RALGAPA2: variants seen among roughly 807,000 people sequenced by gnomAD.
RALGAPA2 encodes the protein Ral GTPase activating protein catalytic subunit alpha 2, also known as ral GTPase-activating protein subunit alpha-2.
Under a neutral mutation model 230.4 loss-of-function variants are expected in RALGAPA2, and 139 were observed. That is an observed-to-expected ratio of 0.60 (90% CI 0.53 to 0.69). The LOEUF is 0.69. RALGAPA2 is among the 30% of genes least tolerant of loss of function. The pLI is 0.00. For missense variants in RALGAPA2, 2,163 were observed against 2,276.0 expected, an observed-to-expected ratio of 0.95 and a Z score of 1.01; for synonymous variants, 847 against 837.8, an observed-to-expected ratio of 1.01 and a Z score of -0.19.
intron 21 of RALGAPA2, 80 bp from the exon 22 acceptor site, chr20:20,572,026 T>C: frequency 2.2e-6 from 2 of 916,174 alleles, no homozygotes; most frequent in Non-Finnish European, 1.7e-6. Flanking sequence ...TCTGTGACCA[T>C]ATAGCTGCTT....
At position 20,389,974 on chromosome 20, in the gene RALGAPA2, T is replaced by C. The variant is rs1170705420; in HGVS notation, c.*3315A>G. On this transcript the variant is annotated 3_prime_UTR_variant, in exon 40 of 40. Coordinates refer to ENST00000202677, the MANE Select transcript of RALGAPA2 (RefSeq NM_020343.4). Reference sequence around the variant, plus strand: ...TAAGGAAACATTCACTTCATGTGTATGTCATATGGACAGACTGAGTGCAAC... The same window carrying C: ...TAAGGAAACATTCACTTCATGTGTACGTCATATGGACAGACTGAGTGCAAC... 6.6e-6 allele frequency: 1 copy of C among 152,248 alleles called. No individual in the cohort carries two copies. Among genetic ancestry groups the C allele is most frequent in the African/African-American group, 2.4e-5 (1 of 41,468 alleles). The allele number at this position is 152,248 out of a possible 1,614,324, so 9.4% of individuals were successfully genotyped here.
chr20:20,462,596 A>G (rs557899140), intron 37 of RALGAPA2, among the ~76,000 whole-genome samples: 2 of 152,282 alleles, frequency 1.3e-5, no homozygotes, highest in Admixed American at 6.5e-5. Flanking sequence ...TCAGTAGTAA[A>G]ACAGAAAGGA....
chr20:20,556,410 T>C (rs1003247410), intron 23 of RALGAPA2, among the ~76,000 whole-genome samples: 5 of 152,160 alleles, frequency 3.3e-5, no homozygotes, highest in African/African-American at 4.8e-5. Context: ...CATTTATAAT[T>C]CCATAAGATG....
At chr20:20,515,166 C>A (rs746652925) in intron 31 of RALGAPA2, among the ~76,000 whole-genome samples, 1 of 152,196 alleles carries the variant, frequency 6.6e-6, no homozygotes, top group Non-Finnish European at 1.5e-5. Flanking sequence ...AAACAAGGAT[C>A]AAGTATATAC....
intron 23 of RALGAPA2, among the ~76,000 whole-genome samples, chr20:20,568,072 G>C (rs1297106050): frequency 7.9e-5 from 12 of 152,194 alleles, no homozygotes; most frequent in African/African-American, 2.9e-4. Context: ...AAGCAGCTGA[G>C]CAGAGGGAAG....
intron 23 of RALGAPA2, among the ~76,000 whole-genome samples, chr20:20,560,899 T>A (rs1156376387): frequency 6.6e-6 from 1 of 152,220 alleles, no homozygotes; most frequent in Non-Finnish European, 1.5e-5. Flanking sequence ...AAATGTACCA[T>A]TGCCTACTGA....
At chr20:20,427,474 C>A (rs1179212500) in intron 37 of RALGAPA2, among the ~76,000 whole-genome samples, 3 of 151,920 alleles carry the variant, frequency 2.0e-5, no homozygotes, top group Non-Finnish European at 4.4e-5. Context: ...GATGTCTCTT[C>A]CCCTGTCACT....
In RALGAPA2 at chr20:20,588,904, T is replaced by G. The variant is rs189523071; in HGVS notation, c.2439+364A>C. 2.0e-5 allele frequency among the ~76,000 whole-genome samples: 3 copies of G among 152,296 alleles called. No individual in the cohort carries two copies. In the East Asian group the frequency reaches 5.8e-4, roughly 29 times the overall value. ...TTTTTTAAGAAACCTAACATCTTTG[T>G]GAATACTCACTGATTCTAGTAATTC... On this transcript the variant is annotated intron_variant, in intron 18 of 39. Transcript: ENST00000202677.
rs1445368566 is a variant in RALGAPA2, at chr20:20,616,112, T to A, written c.1619A>T (p.Asp540Val). Residue 540 changes from aspartate (D) to valine (V), a missense_variant, in exon 13 of 40, where the codon GAT (aspartate) becomes GTT (valine). Transcript: ENST00000202677. The part of the protein sequence containing the change: ...EVPVLLKEQV[D>V]ACKAVLIIFR... ...AATAATCAAAACAGCTTTACAAGCA[T>A]CAACTTGTTCTTTCAAGAGCACAGG... is the stretch of plus-strand genomic sequence containing the variant. The A allele has an allele frequency of 1.1e-5, 17 of 1,556,438 alleles. No individual in the cohort carries two copies. Among genetic ancestry groups the A allele is most frequent in the Non-Finnish European group, 1.5e-5 (17 of 1,149,648 alleles).
intron 39 of RALGAPA2, among the ~76,000 whole-genome samples, chr20:20,394,916 G>GAAAA (rs2059679479): frequency 8.1e-6 from 1 of 123,940 alleles, no homozygotes; most frequent in Admixed American, 8.3e-5. Flanking sequence ...AAAAAGGCAA[G>GAAAA]TAAATGAAAG....
intron 1 of RALGAPA2, among the ~76,000 whole-genome samples, chr20:20,694,076 C>T (rs1283670071): frequency 1.3e-5 from 2 of 151,382 alleles, no homozygotes; most frequent in African/African-American, 4.9e-5. Flanking sequence ...TGCACTCCAG[C>T]CTGGGCAACA....
chr20:20,640,352 A>G (rs1008502361), intron 6 of RALGAPA2, among the ~76,000 whole-genome samples: 5 of 152,206 alleles, frequency 3.3e-5, no homozygotes, highest in African/African-American at 1.2e-4. Context: ...AACAACAGTG[A>G]TAAGAACAAT....
chr20:20,513,649 G>C (rs563875722), intron 31 of RALGAPA2, among the ~76,000 whole-genome samples: 1 of 148,596 alleles, frequency 6.7e-6, no homozygotes, highest in African/African-American at 2.4e-5. Flanking sequence ...AAGCAACCCA[G>C]GCCAAGGCAG....
intron 37 of RALGAPA2, among the ~76,000 whole-genome samples, chr20:20,412,596 TAAG>T (rs1421830196): frequency 1.3e-5 from 2 of 152,078 alleles, no homozygotes; most frequent in Non-Finnish European, 2.9e-5. Context: ...TTCTTAAAAA[TAAG>T]AAGATGCAAG....
intron 7 of RALGAPA2, among the ~76,000 whole-genome samples, chr20:20,638,044 C>T (rs975198639): frequency 2.6e-5 from 4 of 152,186 alleles, no homozygotes; most frequent in African/African-American, 7.2e-5. Context: ...ACCAGACATG[C>T]CAGTCCACTA....
chr20:20,634,720 C>T (rs1296862452), intron 9 of RALGAPA2, among the ~76,000 whole-genome samples: 1 of 152,210 alleles, frequency 6.6e-6, no homozygotes, highest in Non-Finnish European at 1.5e-5. Flanking sequence ...CAAAAGAGCA[C>T]ACAACACCAT....
intron 2 of RALGAPA2, among the ~76,000 whole-genome samples, chr20:20,679,813 G>A (rs1231715828): frequency 6.6e-6 from 1 of 152,102 alleles, no homozygotes; most frequent in East Asian, 1.9e-4. Context: ...AAGAACCACA[G>A]AATTCTGTCT....
intron 23 of RALGAPA2, among the ~76,000 whole-genome samples, chr20:20,565,229 T>C (rs117232977): frequency 8.3e-4 from 127 of 152,372 alleles, no homozygotes; most frequent in Non-Finnish European, 1.6e-3. Flanking sequence ...TTCCTGGAAC[T>C]GAATACTCAC....
At chr20:20,522,858 C>T (rs930559224) in intron 30 of RALGAPA2, among the ~76,000 whole-genome samples, 10 of 152,136 alleles carry the variant, frequency 6.6e-5, no homozygotes, top group Admixed American at 3.9e-4. Flanking sequence ...AAGAGATTTA[C>T]AAAAGTGATT....
Sources: allele counts gnomAD v4.1 joint callset (sites outside exome capture counted in the v4.1 genomes callset), GRCh38; gene constraint gnomAD v4.1.1; transcripts MANE v1.5; gene names NCBI Gene and HGNC (gene_info 2026-07-23, HGNC 2026-07-21).